Variants in CD163L1 observed in about 807,000 individuals in gnomAD.
The protein encoded by CD163L1 is CD163 molecule like 1, also known as scavenger receptor cysteine-rich type 1 protein M160.
A neutral mutation model predicts 165.4 loss-of-function variants in CD163L1; 124 were observed. That is an observed-to-expected ratio of 0.75 (90% CI 0.65 to 0.87). The LOEUF is 0.87. CD163L1 is among the 40% of genes least tolerant of loss of function. The pLI is 0.00. For synonymous variants in CD163L1, 585 were observed against 662.2 expected (o/e 0.88, Z 1.79); for missense variants, 1,525 against 1,799.9 (o/e 0.85, Z 2.76).
chr12:7,332,471 C>T, the CD163L1 span, among the ~76,000 whole-genome samples: 1 of 152,106 alleles, frequency 6.6e-6, no homozygotes, highest in South Asian at 2.1e-4. Flanking sequence ...AACTCCAAGA[C>T]ACATAATTGT....
Position 7,432,470 on chromosome 12 carries a change from C to A in CD163L1, c.712G>T (p.Gly238Ter). 1 of 1,614,070 alleles carries A rather than the reference C, an allele frequency of 6.2e-7. No homozygotes were observed. The highest frequency in any genetic ancestry group is 8.5e-7 in the Non-Finnish European group (1 of 1,179,994). Residue 238 changes from glycine to a stop codon, truncating the protein, a stop_gained, in exon 4 of 20, where the codon GGA becomes TGA. Transcript: ENST00000313599. LOFTEE classifies it high-confidence loss of function. The surrounding 1 kb of genome is among the most constrained non-coding windows in gnomAD (Gnocchi z 4.2). ...ELALWNCRHR[G>*]WGNHDCSHNE... is the part of the protein sequence containing the mutation. ...TGACTGCAGTCATGATTTCCCCATC[C>A]ACGATGTCTGCAATTCCAGAGTGCC...
chr12:7,324,264 G>A, the CD163L1 span: 1 of 1,611,096 alleles, frequency 6.2e-7, no homozygotes, highest in South Asian at 1.1e-5. Flanking sequence ...TGTCATCCTT[G>A]GTTCCCAGGA....
At chr12:7,334,519 C>T in the CD163L1 span, among the ~76,000 whole-genome samples, 1 of 152,124 alleles carries the variant, frequency 6.6e-6, no homozygotes, top group Non-Finnish European at 1.5e-5. Context: ...CTATGACAAA[C>T]CCACAGTCAA....
intron 14 of CD163L1, among the ~76,000 whole-genome samples, chr12:7,371,935 T>C (rs1439478358): frequency 6.6e-6 from 1 of 152,008 alleles, no homozygotes; most frequent in Non-Finnish European, 1.5e-5. Context: ...TCAGCTAATA[T>C]ATCATCAACT....
At chr12:7,376,134 G>A (rs1042076289) in intron 9 of CD163L1, 120 bp from the exon 10 acceptor site, 94 of 796,642 alleles carry the variant, frequency 1.2e-4, no homozygotes, top group Non-Finnish European at 1.7e-4. Context: ...CATCCCATTC[G>A]TAGGGGCTCA....
chr12:7,320,641 G>A, the CD163L1 span: 8 of 1,173,140 alleles, frequency 6.8e-6, no homozygotes, highest in Non-Finnish European at 8.8e-6. Flanking sequence ...ATTAATGGAA[G>A]AAAATAACAG....
chr12:7,334,802 A>G, the CD163L1 span, among the ~76,000 whole-genome samples: 1 of 152,246 alleles, frequency 6.6e-6, no homozygotes, highest in Non-Finnish European at 1.5e-5. Context: ...GTATCAGGAT[A>G]CAAAATCAAT....
intron 2 of CD163L1, chr12:7,440,056 C>T (rs1413727038): frequency 1.5e-5 from 18 of 1,177,164 alleles, no homozygotes; most frequent in Non-Finnish European, 2.2e-5. Flanking sequence ...CCTCGCGTTC[C>T]GCGCTCCGCC....
chr12:7,342,672 C>T (rs1638984339), downstream of CD163L1, among the ~76,000 whole-genome samples: 1 of 152,132 alleles, frequency 6.6e-6, no homozygotes, highest in African/African-American at 2.4e-5. Flanking sequence ...GACACTTACC[C>T]AAGGAAACAG....
downstream of CD163L1, among the ~76,000 whole-genome samples, chr12:7,341,728 T>C (rs145230548): frequency 2.6e-5 from 4 of 152,214 alleles, no homozygotes; most frequent in African/African-American, 4.8e-5. Flanking sequence ...CCCATTACTA[T>C]TTGTGAAAGT....
At position 7,406,856 on chromosome 12, in the gene CD163L1, A is replaced by C. The variant is rs1326818579; in HGVS notation, c.767-4T>G. 1 of 1,612,624 alleles carries C rather than the reference A, an allele frequency of 6.2e-7. No individual in the cohort carries two copies. Among genetic ancestry groups the C allele is most frequent in the South Asian group, 1.1e-5 (1 of 90,644 alleles). ...CTTAGTTCAAGATCACTACTATCTG[A>C]AACAGAGATATAAACACAAAGCCCA... is the stretch of plus-strand genomic sequence containing the variant. On this transcript the variant is annotated splice_region_variant and splice_polypyrimidine_tract_variant and intron_variant, in intron 4 of 19. Transcript: ENST00000313599.
chr12:7,417,733 G>C (rs1268906192), intron 4 of CD163L1, among the ~76,000 whole-genome samples: 1 of 151,936 alleles, frequency 6.6e-6, no homozygotes, highest in Non-Finnish European at 1.5e-5. Flanking sequence ...TGCATATGTT[G>C]AATCAGCCTT....
intron 8 of CD163L1, among the ~76,000 whole-genome samples, chr12:7,393,858 T>C (rs1264371166): frequency 3.3e-5 from 5 of 152,100 alleles, no homozygotes; most frequent in African/African-American, 9.7e-5. Context: ...GAATCCAACT[T>C]ACAAGGGATG....
chr12:7,336,442 GTTGGGAA>G, the CD163L1 span, among the ~76,000 whole-genome samples: 1 of 152,128 alleles, frequency 6.6e-6, no homozygotes, highest in Non-Finnish European at 1.5e-5. Context: ...CTCACTCATA[GTTGGGAA>G]TTGAACAATG....
chr12:7,373,119 A>C (rs1324946618), intron 14 of CD163L1, among the ~76,000 whole-genome samples: 1 of 152,250 alleles, frequency 6.6e-6, no homozygotes, highest in Non-Finnish European at 1.5e-5. Context: ...AAAAGAGACA[A>C]TATACATTTT....
At position 7,368,408 on chromosome 12, in the gene CD163L1, C is replaced by A. The variant is rs1203788614; in HGVS notation, c.4073-211G>T. ...TCCAAATCTTTCCATAATTCTATTG[C>A]CCTAAATTACTTCCAATTTTATACA... is the stretch of plus-strand genomic sequence containing the variant. On this transcript the variant is annotated intron_variant, in intron 16 of 19. Coordinates refer to ENST00000313599, the MANE Select transcript of CD163L1 (RefSeq NM_174941.6). This position sits in a 1 kb window ranked among gnomAD's most constrained non-coding sequence, Gnocchi z 4.3. Among the ~76,000 whole-genome samples, 1 of 152,148 alleles carries A rather than the reference C, an allele frequency of 6.6e-6. No individual in the cohort carries two copies. The highest frequency in any genetic ancestry group is 1.5e-5 in the Non-Finnish European group (1 of 68,022).
chr12:7,405,393 GGATT>G (rs1423580439), intron 5 of CD163L1, among the ~76,000 whole-genome samples: 3 of 151,790 alleles, frequency 2.0e-5, no homozygotes, highest in Non-Finnish European at 4.4e-5. Flanking sequence ...ATAAAATGAT[GGATT>G]GATTAAATAT....
At chr12:7,391,844 T>C (rs946543824) in intron 8 of CD163L1, among the ~76,000 whole-genome samples, 7 of 152,018 alleles carry the variant, frequency 4.6e-5, no homozygotes, top group Admixed American at 2.0e-4. Flanking sequence ...TACATAATGG[T>C]AAAGGGATCA....
downstream of CD163L1, among the ~76,000 whole-genome samples, chr12:7,342,691 T>A (rs770402758): frequency 1.3e-5 from 2 of 152,158 alleles, no homozygotes; most frequent in Admixed American, 1.3e-4. Context: ...AGTGGTGCAG[T>A]GGCACGATCA....
Sources: allele counts gnomAD v4.1 joint callset (sites outside exome capture counted in the v4.1 genomes callset), GRCh38; gene constraint gnomAD v4.1.1; non-coding constraint Gnocchi (gnomAD v3.1); transcripts MANE v1.5; gene names NCBI Gene and HGNC (gene_info 2026-07-23, HGNC 2026-07-21).